RNF19A: variants seen among roughly 807,000 people sequenced by gnomAD.
The protein encoded by RNF19A is ring finger protein 19A, RBR E3 ubiquitin protein ligase.
In RNF19A, 32 loss-of-function variants were observed where a neutral mutation model predicts 75.7. The observed-to-expected ratio is 0.42, with a 90% CI of 0.32 to 0.57. RNF19A has a LOEUF of 0.57. RNF19A is among the 20% of genes least tolerant of loss of function. RNF19A has a pLI of 0.10. For synonymous variants in RNF19A, 335 were observed against 345.2 expected, an observed-to-expected ratio of 0.97 and a Z score of 0.33; for missense variants, 782 against 1,036.3, an observed-to-expected ratio of 0.75 and a Z score of 3.37.
intron 1 of RNF19A, among the ~76,000 whole-genome samples, chr8:100,308,904 G>A (rs978575288): frequency 6.6e-6 from 1 of 152,206 alleles, no homozygotes; most frequent in African/African-American, 2.4e-5. Flanking sequence ...ATTAAGCAGA[G>A]TAAAGCATCG....
At chr8:100,291,869 T>C (rs1821309659) in intron 1 of RNF19A, among the ~76,000 whole-genome samples, 1 of 152,038 alleles carries the variant, frequency 6.6e-6, no homozygotes, top group South Asian at 2.1e-4. Flanking sequence ...TTTTTAGATG[T>C]CTGACATCCA....
intron 1 of RNF19A, 126 bp from the exon 2 acceptor site, chr8:100,288,393 A>G (rs1305810227): frequency 6.3e-6 from 3 of 472,628 alleles, no homozygotes; most frequent in East Asian, 4.5e-5. Flanking sequence ...TTTTTTAACA[A>G]GGCCAATTTA....
At chr8:100,316,584 C>T (rs1182672648) in intron 1 of RNF19A, among the ~76,000 whole-genome samples, 2 of 152,012 alleles carry the variant, frequency 1.3e-5, no homozygotes, top group African/African-American at 4.8e-5. Flanking sequence ...AGATACAGAG[C>T]GTCGATTGGT....
intron 2 of RNF19A, among the ~76,000 whole-genome samples, chr8:100,277,135 A>G (rs1820560312): frequency 6.6e-6 from 1 of 152,224 alleles, no homozygotes. Flanking sequence ...TGTCTTTTGT[A>G]AATACTAAAC....
chr8:100,268,483 C>T (rs1210646023), intron 5 of RNF19A: 3 of 207,300 alleles, frequency 1.4e-5, no homozygotes, highest in Non-Finnish European at 1.9e-5. Context: ...AAGGATATAC[C>T]TATGAGAAAA....
chr8:100,273,200 A>G (rs1820343081), intron 3 of RNF19A, among the ~76,000 whole-genome samples: 1 of 152,228 alleles, frequency 6.6e-6, no homozygotes, highest in African/African-American at 2.4e-5. Context: ...CAAATTCCAA[A>G]TGAAGTTTTT....
At chr8:100,272,272 CATAT>C (rs1820293871) in intron 3 of RNF19A, among the ~76,000 whole-genome samples, 1 of 151,954 alleles carries the variant, frequency 6.6e-6, no homozygotes, top group Non-Finnish European at 1.5e-5. Context: ...AATTTAAACA[CATAT>C]ATAAACATTA....
At chr8:100,309,487 C>G (rs1021914700) in intron 1 of RNF19A, 4 of 985,502 alleles carry the variant, frequency 4.1e-6, no homozygotes, top group Non-Finnish European at 2.4e-6. Flanking sequence ...GCTTTAGGGG[C>G]AGGAGACAGC....
At chr8:100,313,568 A>G (rs1265590539), upstream of RNF19A, among the ~76,000 whole-genome samples, 1 of 152,198 alleles carries the variant, frequency 6.6e-6, no homozygotes, top group African/African-American at 2.4e-5. Flanking sequence ...ATGATTTAAT[A>G]CCTTTTTAGG....
intron 5 of RNF19A, among the ~76,000 whole-genome samples, chr8:100,267,286 C>T (rs1178514965): frequency 6.6e-6 from 1 of 152,208 alleles, no homozygotes; most frequent in African/African-American, 2.4e-5. Context: ...TTTTAACACA[C>T]AGAGACCGAA....
At chr8:100,310,247 G>T, upstream of RNF19A, 11 of 985,118 alleles carry the variant, frequency 1.1e-5, no homozygotes, top group Non-Finnish European at 1.1e-5. Context: ...CTCTGGACGC[G>T]GCTGTTCCCT....
Position 100,329,446 on chromosome 8 carries a change from A to G in RNF19A, c.-243+6662T>C, listed in dbSNP as rs1822582369. ...GTGCTGCAAAAACAAAACAAAACAAAACAAACAAACAAACAAAAAAAGTCA... is the reference window on the plus strand; with the variant it reads ...GTGCTGCAAAAACAAAACAAAACAAGACAAACAAACAAACAAAAAAAGTCA... On this transcript the variant is annotated intron_variant, in intron 1 of 3. Transcript: ENST00000519527. The surrounding 1 kb of genome is among the most constrained non-coding windows in gnomAD (Gnocchi z 4.3). 6.6e-6 allele frequency among the ~76,000 whole-genome samples: 1 copy of G among 151,906 alleles called. No homozygotes were observed. Among genetic ancestry groups the G allele is most frequent in the African/African-American group, 2.4e-5 (1 of 41,184 alleles).
At chr8:100,319,370 G>C (rs1822431412) in intron 1 of RNF19A, among the ~76,000 whole-genome samples, 1 of 151,964 alleles carries the variant, frequency 6.6e-6, no homozygotes, top group East Asian at 1.9e-4. Context: ...GACCCTGTAA[G>C]AATAAATGTT....
At chr8:100,286,913 T>G (rs952515542) in intron 2 of RNF19A, among the ~76,000 whole-genome samples, 2 of 152,200 alleles carry the variant, frequency 1.3e-5, no homozygotes, top group Non-Finnish European at 1.5e-5. Flanking sequence ...GCAAAATTAT[T>G]TTATTTTAAA....
intron 1 of RNF19A, among the ~76,000 whole-genome samples, chr8:100,326,337 A>T (rs1161805255): frequency 2.6e-5 from 4 of 152,302 alleles, no homozygotes; most frequent in African/African-American, 9.6e-5. Context: ...TGTTGATTCC[A>T]GAGCACAGTT....
chr8:100,264,732 G>C lies in RNF19A; in HGVS notation c.1245C>G (p.Ala415=), dbSNP rs757282274. The part of the protein sequence containing the change: ...KDVSKHKRNL[A]IAGGVTLSVI... ...CAGACAACGTTACACCACCTGCTAT[G>C]GCCAAATTCCGTTTGTGCTTTGAAA... is the stretch of plus-strand genomic sequence containing the variant. Residue 415 remains alanine, a synonymous_variant, in exon 6 of 10, where the codon GCC becomes GCG. Coordinates refer to ENST00000341084, the MANE Select transcript of RNF19A (RefSeq NM_183419.4). This position sits in a 1 kb window ranked among gnomAD's most constrained non-coding sequence, Gnocchi z 4.7. 1.1e-5 allele frequency: 18 copies of C among 1,613,596 alleles called. No homozygotes were observed. Among genetic ancestry groups the C allele is most frequent in the Non-Finnish European group, 9.3e-6 (11 of 1,179,712 alleles).
Position 100,264,249 on chromosome 8 carries a change from G to A in RNF19A, c.1307-54C>T. The stretch of plus-strand genomic sequence containing the variant: ...AACAACAACAACAAAATAACTCACA[G>A]AAACATGAGTTTTAGAAAGTCTTTT... On this transcript the variant is annotated intron_variant, in intron 6 of 9. Coordinates refer to ENST00000341084, the MANE Select transcript of RNF19A (RefSeq NM_183419.4). The surrounding 1 kb of genome is among the most constrained non-coding windows in gnomAD (Gnocchi z 4.7). 7.0e-7 allele frequency: 1 copy of A among 1,432,848 alleles called. No individual in the cohort carries two copies. Among genetic ancestry groups the A allele is most frequent in the East Asian group, 2.3e-5 (1 of 42,836 alleles). 88.8% of individuals were successfully genotyped at this position (1,432,848 alleles called of 1,614,324 possible).
At chr8:100,288,329 T>C in intron 1 of RNF19A, 62 bp from the exon 2 acceptor site, 1 of 1,101,668 alleles carries the variant, frequency 9.1e-7, no homozygotes, top group Non-Finnish European at 1.2e-6. Context: ...TGTATATTTT[T>C]ATAAATATGA....
rs1819854163 is a variant in RNF19A, at chr8:100,264,077, A to G, written c.1425T>C (p.Asp475=). The G allele has an allele frequency of 6.2e-7, 1 of 1,613,758 alleles. No individual in the cohort carries two copies. Residue 475 remains aspartate (D), a synonymous_variant, in exon 7 of 10, where the codon GAT becomes GAC. Transcript: ENST00000341084. This position sits in a 1 kb window ranked among gnomAD's most constrained non-coding sequence, Gnocchi z 4.7. ...CACCAACATTTATATCATTTTCATC[A>G]TCAAATTCAATCCTAACTCCTTTTC... ...GNGKGVRIEF[D]DENDINVGGT...
Sources: gnomAD v4.1 joint callset for allele counts (sites outside exome capture counted in the v4.1 genomes callset) on GRCh38, gnomAD v4.1.1 for gene constraint, Gnocchi (gnomAD v3.1) non-coding constraint, MANE v1.5 for transcripts, NCBI Gene and HGNC (gene_info 2026-07-23, HGNC 2026-07-21) for gene names.